SMC3: variants seen among roughly 807,000 people sequenced by gnomAD.
The protein encoded by SMC3 is structural maintenance of chromosomes protein 3.
Under a neutral mutation model 171.8 loss-of-function variants are expected in SMC3, and 20 were observed. That is an observed-to-expected ratio of 0.12 (90% CI 0.08 to 0.17). SMC3 has a LOEUF of 0.17. Among genes scored for constraint, SMC3 ranks in the 10% least tolerant of loss-of-function variants. SMC3 has a pLI of 1.00. For missense variants in SMC3, 543 were observed against 1,420.4 expected (o/e 0.38, Z 9.93); for synonymous variants, 464 against 451.1 (o/e 1.03, Z -0.36).
At chr10:110,577,352 T>A (rs1860967638) in intron 4 of SMC3, 69 bp from the exon 5 acceptor site, 2 of 1,223,060 alleles carry the variant, frequency 1.6e-6, no homozygotes, top group Admixed American at 3.4e-5. Context: ...TGCCCTAGAC[T>A]TTAAGAATCC....
chr10:110,594,310 GTTA>G (rs1045493888), intron 18 of SMC3, among the ~76,000 whole-genome samples: 3 of 151,248 alleles, frequency 2.0e-5, no homozygotes, highest in African/African-American at 2.4e-5. Flanking sequence ...TATTCGCATG[GTTA>G]TTATTTTAAA....
intron 4 of SMC3, among the ~76,000 whole-genome samples, chr10:110,576,053 G>A (rs1055122951): frequency 3.9e-5 from 6 of 152,064 alleles, no homozygotes; most frequent in South Asian, 2.1e-4. Flanking sequence ...AACTTACAGC[G>A]GGGTTATGTC....
rs756154462 is a variant in SMC3, at chr10:110,599,818, TAGAC to T, written c.2427+9_2427+12del. On this transcript the variant is annotated splice_region_variant and intron_variant, in intron 21 of 28. Coordinates refer to ENST00000361804, the MANE Select transcript of SMC3 (RefSeq NM_005445.4). Reference sequence around the variant, plus strand: ...AGATTCGTCAACTTCAGCAGGTAAGTAGACAGCTGACTGGAAAAAGAATTCGTTA... The same window carrying T: ...AGATTCGTCAACTTCAGCAGGTAAGTAGCTGACTGGAAAAAGAATTCGTTA... 6.2e-7 allele frequency: 1 copy of T among 1,613,760 alleles called. No individual in the cohort carries two copies. Among genetic ancestry groups the T allele is most frequent in the Non-Finnish European group, 8.5e-7 (1 of 1,179,742 alleles).
chr10:110,580,898 T>C lies in SMC3; in HGVS notation c.430-6T>C, dbSNP rs562260371. 1.3e-6 allele frequency: 2 copies of C among 1,519,438 alleles called. No individual in the cohort carries two copies. The highest frequency in any genetic ancestry group is 1.4e-5 in the African/African-American group (1 of 73,258). The allele number at this position is 1,519,438 out of a possible 1,614,324, so 94.1% of individuals were successfully genotyped here. A position where few individuals can be genotyped will look rare whatever the true frequency, so the allele number is the denominator to read the frequency against. On this transcript the variant is annotated splice_polypyrimidine_tract_variant and splice_region_variant and intron_variant, in intron 7 of 28. Transcript: ENST00000361804. ...TATGTAATGATTATTTTTCTAAAAA[T>C]TTTAGATCAACCAGATGGCAACAGC... is the stretch of plus-strand genomic sequence containing the variant.
intron 17 of SMC3, 102 bp downstream of exon 17, chr10:110,591,234 G>T (rs1861200323): frequency 8.7e-6 from 10 of 1,154,764 alleles, no homozygotes; most frequent in Non-Finnish European, 1.3e-5. Context: ...CTGGGATTCA[G>T]TGGTGTATGA....
rs377573888 is a variant in SMC3, at chr10:110,598,892, A to G, written c.2268+602A>G. On this transcript the variant is annotated intron_variant, in intron 20 of 28. Transcript: ENST00000361804. ...AGTAACCATTTTTATCTGAAGCACA[A>G]TGGAATTAGTTGAATATTTGATTCC... 4.6e-5 allele frequency among the ~76,000 whole-genome samples: 7 copies of G among 152,306 alleles called. No individual in the cohort carries two copies. In the South Asian group the frequency reaches 8.3e-4, roughly 18 times the overall value.
intron 3 of SMC3, among the ~76,000 whole-genome samples, chr10:110,575,072 T>A (rs573136858): frequency 6.6e-6 from 1 of 152,306 alleles, no homozygotes; most frequent in Non-Finnish European, 1.5e-5. Context: ...CTTGTCTGTT[T>A]TCATGTATTT....
rs890250131 is a variant in SMC3 at position 110,602,052 on chromosome 10, C to T, written c.2979C>T (p.Phe993=). Residue 993 remains phenylalanine, a synonymous_variant, in exon 25 of 29, where the codon TTC becomes TTT. Transcript: ENST00000361804. ...AGGCTTTGGATCAGTTTGTAAATTT[C>T]TCCGAGCAGAAAGAAAAGTTAATAA... ...NKKALDQFVN[F]SEQKEKLIKR... 2 of 1,613,754 alleles carry T rather than the reference C, an allele frequency of 1.2e-6. No individual in the cohort carries two copies. The highest frequency in any genetic ancestry group is 1.3e-5 in the African/African-American group (1 of 74,906).
chr10:110,586,209 C>A (rs547337843), intron 13 of SMC3, among the ~76,000 whole-genome samples: 1 of 152,260 alleles, frequency 6.6e-6, no homozygotes, highest in South Asian at 2.1e-4. Context: ...TACTCATATT[C>A]TCACTTTACA....
Position 110,600,293 on chromosome 10 carries a change from A to C in SMC3, c.2428-146A>C, listed in dbSNP as rs1046582768. The C allele has an allele frequency of 4.6e-5, 28 of 609,216 alleles. No homozygotes were observed. The African/African-American group carries it at 4.9e-4, about 11-fold the overall frequency. The allele number at this position is 609,216 out of a possible 1,614,324, so 37.7% of individuals were successfully genotyped here. ...ATGAATTGATAAGAGAAAAATGAAG[A>C]AAGTATAGGGCTTTTTTGAAGAATA... On this transcript the variant is annotated intron_variant, in intron 21 of 28. Transcript: ENST00000361804.
In SMC3 at chr10:110,604,355, A is replaced by C. The variant is rs904461809; in HGVS notation, c.*53A>C. ...AGATGTATATAGTAATATGATTCTC[A>C]TACCCAGGAACTGTAAATTTAAACC... On this transcript the variant is annotated 3_prime_UTR_variant, in exon 29 of 29. Coordinates refer to ENST00000361804, the MANE Select transcript of SMC3 (RefSeq NM_005445.4). 1.6e-6 allele frequency: 2 copies of C among 1,278,448 alleles called. No individual in the cohort carries two copies. Among genetic ancestry groups the C allele is most frequent in the African/African-American group, 2.9e-5 (2 of 68,480 alleles). The allele number at this position is 1,278,448 out of a possible 1,614,324, so 79.2% of individuals were successfully genotyped here.
At chr10:110,587,554 C>T (rs1202509711) in intron 13 of SMC3, among the ~76,000 whole-genome samples, 2 of 152,028 alleles carry the variant, frequency 1.3e-5, no homozygotes, top group African/African-American at 2.4e-5. Context: ...GGCGTGGTGG[C>T]GGGCGCCTGT....
intron 18 of SMC3, among the ~76,000 whole-genome samples, chr10:110,594,083 T>C (rs923825866): frequency 9.7e-6 from 1 of 103,288 alleles, no homozygotes; most frequent in Non-Finnish European, 1.9e-5. Flanking sequence ...ACTTGATATT[T>C]AGTTGATGTC....
rs1861401903 is a variant in SMC3 at position 110,602,464 on chromosome 10, T to G, written c.3106-10T>G. The G allele has an allele frequency of 6.2e-7, 1 of 1,607,518 alleles. No individual in the cohort carries two copies. The highest frequency in any genetic ancestry group is 8.5e-7 in the Non-Finnish European group (1 of 1,175,370). ...GCAAAATTTATATTTCAATCTGCTTTTGTTTTAAGGTATCTAAGAACTTCA... is the reference window on the plus strand; with the variant it reads ...GCAAAATTTATATTTCAATCTGCTTGTGTTTTAAGGTATCTAAGAACTTCA... On this transcript the variant is annotated splice_polypyrimidine_tract_variant and intron_variant, in intron 25 of 28. Coordinates refer to ENST00000361804, the MANE Select transcript of SMC3 (RefSeq NM_005445.4).
At chr10:110,591,155 GTA>G in intron 17 of SMC3, 23 bp downstream of exon 17, 4 of 1,609,044 alleles carry the variant, frequency 2.5e-6, no homozygotes, top group Non-Finnish European at 3.4e-6. Flanking sequence ...GTGATAAGGT[GTA>G]TTTCTCTTTT....
chr10:110,594,506 C>T (rs562728603), intron 18 of SMC3, among the ~76,000 whole-genome samples: 36 of 152,002 alleles, frequency 2.4e-4, no homozygotes, highest in African/African-American at 7.2e-4. Context: ...TGGTTCTTGT[C>T]GTGTTCGTTA....
chr10:110,582,509 ATATT>A (rs1861047167), intron 9 of SMC3, 49 bp from the exon 10 acceptor site: 2 of 1,242,784 alleles, frequency 1.6e-6, no homozygotes, highest in African/African-American at 3.0e-5. Context: ...ATGTTATGAA[ATATT>A]TAGTAATTAC....
rs79847575 is a variant in SMC3 at position 110,597,922 on chromosome 10, T to C, written c.2117-217T>C. Among the ~76,000 whole-genome samples, 726 of 152,340 alleles carry C rather than the reference T, an allele frequency of 4.8e-3. 7 individuals carry two copies. The highest frequency in any genetic ancestry group is 0.016 in the African/African-American group (650 of 41,586). ...TTTTAGTAAAACAGTATACATGTTA[T>C]TCTGAGAGTGAAATGGGGTGAAATG... On this transcript the variant is annotated intron_variant, in intron 19 of 28. Coordinates refer to ENST00000361804, the MANE Select transcript of SMC3 (RefSeq NM_005445.4).
At chr10:110,568,608 G>A (rs1860819840) in intron 1 of SMC3, 1 of 293,112 alleles carries the variant, frequency 3.4e-6, no homozygotes, top group Non-Finnish European at 6.5e-6. Flanking sequence ...CCGTCGGCCT[G>A]CTTTTATAGA....
Sources: gnomAD v4.1 joint callset for allele counts (sites outside exome capture counted in the v4.1 genomes callset) on GRCh38, gnomAD v4.1.1 for gene constraint, MANE v1.5 for transcripts, NCBI Gene and HGNC (gene_info 2026-07-23, HGNC 2026-07-21) for gene names.